The following TMTC1 variants were observed in gnomAD, a reference collection of about 807,000 sequenced individuals.
TMTC1 encodes the protein transmembrane O-mannosyltransferase targeting cadherins 1, also known as protein O-mannosyl-transferase TMTC1.
In TMTC1, 73 loss-of-function variants were observed where a neutral mutation model predicts 104.8. That is an observed-to-expected ratio of 0.70 (90% confidence interval 0.58 to 0.85). The LOEUF (loss-of-function observed/expected upper bound fraction) is 0.85, where lower values mean the gene tolerates loss of function less well. Ranked by LOEUF, TMTC1 falls within the 40% of genes least tolerant of loss-of-function variation. The probability of loss-of-function intolerance (pLI) is 0.00; values close to 1 mark genes in which losing one functional copy is unlikely to be tolerated. For synonymous variants in TMTC1, 434 were observed against 428.7 expected, an observed-to-expected ratio of 1.01 and a Z score of -0.15; for missense variants, 1,035 against 1,096.1, an observed-to-expected ratio of 0.94 and a Z score of 0.79.
chr12:29,549,858 C>T (rs1368456497), intron 10 of TMTC1, among the ~76,000 whole-genome samples: 1 of 152,116 alleles, frequency 6.6e-6, no homozygotes, highest in Admixed American at 6.6e-5. Flanking sequence ...GCTCTTACCC[C>T]TAATCATGGT....
intron 11 of TMTC1, among the ~76,000 whole-genome samples, chr12:29,525,584 CT>C (rs35435790): frequency 0.02 from 2,844 of 145,102 alleles, 64 homozygotes; most frequent in African/African-American, 0.059. Flanking sequence ...CATGAAAAGC[CT>C]TTTTTTTTTT....
intron 10 of TMTC1, among the ~76,000 whole-genome samples, chr12:29,537,903 C>T (rs1406132120): frequency 1.3e-5 from 2 of 152,196 alleles, no homozygotes; most frequent in African/African-American, 4.8e-5. Context: ...GGGGAAAAAA[C>T]CGCCATGCTT....
intron 5 of TMTC1, among the ~76,000 whole-genome samples, chr12:29,689,193 C>T (rs1716541705): frequency 3.3e-5 from 5 of 152,098 alleles, no homozygotes; most frequent in Non-Finnish European, 1.5e-5. Context: ...TCATACCAAC[C>T]TCAGAGTGTG....
rs143913712 is a variant in TMTC1 at position 29,741,377 on chromosome 12, C to T, written c.938+10289G>A. Among the ~76,000 whole-genome samples, 782 of 152,274 alleles carry T rather than the reference C, an allele frequency of 5.1e-3. 12 individuals are homozygous for T. The highest frequency in any genetic ancestry group is 0.017 in the African/African-American group (693 of 41,538). On this transcript the variant is annotated intron_variant, in intron 5 of 17. Transcript: ENST00000539277. The stretch of plus-strand genomic sequence containing the variant: ...ACTACACAGGCCAATGGAGTATGGT[C>T]ATGTAAAAAGAGGAAAATTGGCAGT...
At chr12:29,734,841 C>T (rs962777730) in intron 5 of TMTC1, among the ~76,000 whole-genome samples, 3 of 152,140 alleles carry the variant, frequency 2.0e-5, no homozygotes, top group Non-Finnish European at 4.4e-5. Context: ...CCATCTATTG[C>T]CACTTTTAAC....
chr12:29,520,957 GT>G (rs1227493679), intron 11 of TMTC1: 5 of 442,668 alleles, frequency 1.1e-5, no homozygotes, highest in Non-Finnish European at 2.0e-5. Context: ...AAAAGATGAT[GT>G]TTTCTCAAAT....
intron 5 of TMTC1, among the ~76,000 whole-genome samples, chr12:29,668,524 G>T (rs1290662853): frequency 7.3e-6 from 1 of 136,728 alleles, no homozygotes; most frequent in African/African-American, 2.7e-5. Context: ...GCAGTGGCAC[G>T]ATCTCAGCTC....
intron 6 of TMTC1, among the ~76,000 whole-genome samples, chr12:29,626,620 CACTGCACACCCAAAGATTAACTCAAAA>C (rs1377164437): frequency 6.6e-6 from 1 of 152,184 alleles, no homozygotes; most frequent in Non-Finnish European, 1.5e-5. Flanking sequence ...ATCCCTACTT[CACTGCACACCCAAAGATTAACTCAAAA>C]ATGAATCAAT....
rs189071725 is a variant in TMTC1 at position 29,768,029 on chromosome 12, C to T, written c.349G>A (p.Val117Ile). The T allele has an allele frequency of 5.0e-6, 8 of 1,613,530 alleles. No homozygotes were observed. The highest frequency in any genetic ancestry group is 2.2e-5 in the East Asian group (1 of 44,826). ...TGMNPFYFHA[V>I]NIILHCLVTL... ...ACTAAGCAGTGTAAAATTATATTTA[C>T]TGCATGAAAGTAGAATGGGTTCATA... The change falls in exon 2 of 18, where the codon GTA (valine) becomes ATA (isoleucine). Residue 117 changes from valine to isoleucine, a missense_variant. Physicochemically the swap from Val to Ile is conservative, Grantham distance 29 (BLOSUM62 3). Transcript: ENST00000539277.
chr12:29,506,931 T>A lies in TMTC1; in HGVS notation c.2564A>T (p.Asp855Val). 6.2e-7 allele frequency: 1 copy of A among 1,614,060 alleles called. No homozygotes were observed. Among genetic ancestry groups the A allele is most frequent in the Non-Finnish European group, 8.5e-7 (1 of 1,179,898 alleles). Residue 855 changes from aspartate to valine, a missense_variant, in exon 18 of 18, where the codon GAC becomes GTC. Asp to Val is a radical substitution (Grantham distance 152). Coordinates refer to ENST00000539277, the MANE Select transcript of TMTC1 (RefSeq NM_001193451.2). ...YYERALQLVPDSKLLKENLAK... is the reference protein window; with the variant it reads ...YYERALQLVPVSKLLKENLAK... ...AAGATTTTCCTTCAGCAGTTTGCTG[T>A]CTGGAACCAGCTGTAAGGCTCTCTC...
chr12:29,517,439 G>T lies in TMTC1; in HGVS notation c.2157C>A (p.Leu719=), dbSNP rs1210648860. 3 of 1,613,970 alleles carry T rather than the reference G, an allele frequency of 1.9e-6. No homozygotes were observed. The highest frequency in any genetic ancestry group is 2.5e-6 in the Non-Finnish European group (3 of 1,180,026). The change falls in exon 14 of 18, where the codon CTC becomes CTA. Residue 719 remains leucine (L), a synonymous_variant. Transcript: ENST00000539277. ...AAALQPSQRE[L]RLALAQVLAV... is the part of the protein sequence containing the mutation. ...TCATCCTACTCACCAGTGCCAAGCG[G>T]AGCTCCCTCTGAGAAGGCTGAAGTG...
At chr12:29,631,546 T>C (rs1325760350) in intron 6 of TMTC1, among the ~76,000 whole-genome samples, 1 of 152,218 alleles carries the variant, frequency 6.6e-6, no homozygotes, top group Non-Finnish European at 1.5e-5. Flanking sequence ...TTGATCCCAT[T>C]AGTGTGGATT....
At chr12:29,526,062 T>G (rs1944335118) in intron 11 of TMTC1, among the ~76,000 whole-genome samples, 2 of 152,228 alleles carry the variant, frequency 1.3e-5, no homozygotes, top group Non-Finnish European at 2.9e-5. Context: ...AATGTTTAAA[T>G]GGCCCATCAG....
intron 11 of TMTC1, among the ~76,000 whole-genome samples, chr12:29,521,258 A>G (rs2136159202): frequency 6.6e-6 from 1 of 152,288 alleles, no homozygotes; most frequent in Non-Finnish European, 1.5e-5. Context: ...AGGCAGATGC[A>G]GATGTTGGGG....
chr12:29,748,179 A>T (rs946116977), intron 5 of TMTC1, among the ~76,000 whole-genome samples: 5 of 152,150 alleles, frequency 3.3e-5, no homozygotes, highest in Non-Finnish European at 5.9e-5. Context: ...ATCCGGCCCA[A>T]TTCCAGCTGT....
rs181967099 is a variant in TMTC1 at position 29,748,455 on chromosome 12, G to A, written c.938+3211C>T. On this transcript the variant is annotated intron_variant, in intron 5 of 17. Transcript: ENST00000539277. ...GCCTCTTCCCCAAAGCTTAGCCCTC[G>A]CTCTGGACTCTGGGCTTTAGAGCAC... Among the ~76,000 whole-genome samples, 36 of 152,288 alleles carry A rather than the reference G, an allele frequency of 2.4e-4. 1 individual carries two copies. The South Asian group carries it at 6.0e-3, about 25-fold the overall frequency.
chr12:29,609,052 C>T (rs1592316727), intron 6 of TMTC1, among the ~76,000 whole-genome samples: 4 of 152,104 alleles, frequency 2.6e-5, no homozygotes, highest in Admixed American at 6.5e-5. Context: ...TGATACACAC[C>T]GCAGGCTGTT....
chr12:29,742,812 C>T (rs1180064498), intron 5 of TMTC1, among the ~76,000 whole-genome samples: 1 of 152,140 alleles, frequency 6.6e-6, no homozygotes, highest in Non-Finnish European at 1.5e-5. Flanking sequence ...GCCATCATTG[C>T]TACATGAATG....
At chr12:29,718,474 G>A (rs79761074) in intron 5 of TMTC1, among the ~76,000 whole-genome samples, 3,600 of 152,258 alleles carry the variant, frequency 0.024, 64 homozygotes, top group Non-Finnish European at 0.035. Flanking sequence ...ATATCTGGCC[G>A]ACTTCTGGCC....
Sources: gnomAD v4.1 joint callset for allele counts (sites outside exome capture counted in the v4.1 genomes callset) on GRCh38, gnomAD v4.1.1 for gene constraint, MANE v1.5 for transcripts, NCBI Gene and HGNC (gene_info 2026-07-23, HGNC 2026-07-21) for gene names.